SEPTIN9: variants seen among roughly 807,000 people sequenced by gnomAD.
The protein encoded by SEPTIN9 is septin 9.
In SEPTIN9, 13 loss-of-function variants were observed where a neutral mutation model predicts 56.6. The ratio of observed to expected loss-of-function variants is 0.23; its 90% CI spans 0.15 to 0.37. SEPTIN9 has a LOEUF of 0.37. Among genes scored for constraint, SEPTIN9 ranks in the 10% least tolerant of loss-of-function variants. The probability of loss-of-function intolerance (pLI) is 1.00; values close to 1 mark genes in which losing one functional copy is unlikely to be tolerated. For synonymous variants in SEPTIN9, 332 were observed against 334.1 expected (o/e 0.99, Z 0.07); for missense variants, 650 against 823.1 (o/e 0.79, Z 2.57).
chr17:77,411,059 T>A (rs1156240071), intron 3 of SEPTIN9, among the ~76,000 whole-genome samples: 1 of 148,362 alleles, frequency 6.7e-6, no homozygotes, highest in East Asian at 2.0e-4. Context: ...CAGTCCAGCC[T>A]GGGCAACAGA....
At position 77,391,501 on chromosome 17, in the gene SEPTIN9, T is replaced by C. The variant is rs552956170; in HGVS notation, c.77-10558T>C. On this transcript the variant is annotated intron_variant, in intron 2 of 11. Transcript: ENST00000427177. ...CTGTCTTTTATAAAGATGCTCACCA[T>C]TGGATTTAGGGCCCACTAAATTCAG... 1.6e-4 allele frequency among the ~76,000 whole-genome samples: 24 copies of C among 152,328 alleles called. No individual in the cohort carries two copies. The South Asian group carries it at 4.6e-3, about 29-fold the overall frequency.
intron 2 of SEPTIN9, among the ~76,000 whole-genome samples, chr17:77,388,784 G>A (rs2035427630): frequency 6.8e-6 from 1 of 147,684 alleles, no homozygotes; most frequent in Admixed American, 6.7e-5. Flanking sequence ...GCTCCACCTG[G>A]GCCAAGTGGC....
chr17:77,473,118 C>T (rs957581644), intron 3 of SEPTIN9, among the ~76,000 whole-genome samples: 2 of 152,254 alleles, frequency 1.3e-5, no homozygotes, highest in African/African-American at 4.8e-5. Context: ...ACTCCGCAAA[C>T]AGCAACTTGT....
chr17:77,469,552 G>T (rs1372036933), intron 3 of SEPTIN9: 1 of 152,166 alleles, frequency 6.6e-6, no homozygotes, highest in African/African-American at 2.4e-5. Context: ...CTGCTTCCTG[G>T]TGTCTCTACC....
intron 3 of SEPTIN9, among the ~76,000 whole-genome samples, chr17:77,481,339 C>T (rs772748115): frequency 2.6e-5 from 4 of 152,214 alleles, no homozygotes; most frequent in Admixed American, 6.5e-5. Context: ...AGCCCGTGGG[C>T]GCTGGCCAGG....
chr17:77,386,018 A>G (rs1166962505), intron 2 of SEPTIN9, among the ~76,000 whole-genome samples: 1 of 152,080 alleles, frequency 6.6e-6, no homozygotes, highest in Admixed American at 6.6e-5. Flanking sequence ...CCTGTTCCTC[A>G]TCAGGAAACT....
chr17:77,425,918 TGCCGGCCCC>T lies in SEPTIN9; in HGVS notation c.721+23218_721+23226del, dbSNP rs1239903980. ...CTGATCTGTAGAGGAGAGGCTGCTG[TGCCGGCCCC>T]GCAGGGCCCTGTGCAGAGGGGAGTG... On this transcript the variant is annotated intron_variant, in intron 3 of 11. Coordinates refer to ENST00000427177, the MANE Select transcript of SEPTIN9 (RefSeq NM_001113491.2). The surrounding 1 kb of genome is among the most constrained non-coding windows in gnomAD (Gnocchi z 4.2). Among the ~76,000 whole-genome samples, 1 of 152,208 alleles carries T rather than the reference TGCCGGCCCC, an allele frequency of 6.6e-6. No homozygotes were observed. Among genetic ancestry groups the T allele is most frequent in the Non-Finnish European group, 1.5e-5 (1 of 68,036 alleles).
Position 77,500,009 on chromosome 17 carries a change from A to G in SEPTIN9, c.*1351A>G, listed in dbSNP as rs2040437073. 1 of 236,326 alleles carries G rather than the reference A, an allele frequency of 4.2e-6. No individual in the cohort carries two copies. The highest frequency in any genetic ancestry group is 1.7e-4 in the South Asian group (1 of 5,826). The allele number at this position is 236,326 out of a possible 1,614,324, so 14.6% of individuals were successfully genotyped here. ...TGGGGGCTGTCTTTGCAGGGCACAG[A>G]TGACCAAAGTCCCTTCCTGCTTCCT... On this transcript the variant is annotated 3_prime_UTR_variant, in exon 12 of 12. Coordinates refer to ENST00000427177, the MANE Select transcript of SEPTIN9 (RefSeq NM_001113491.2).
chr17:77,344,969 C>CAA (rs35165946), intron 2 of SEPTIN9, among the ~76,000 whole-genome samples: 36 of 67,950 alleles, frequency 5.3e-4, no homozygotes, highest in African/African-American at 1.0e-3. Context: ...AAGACTGCCT[C>CAA]AAAAAAAAAA....
rs568088196 is a variant in SEPTIN9 at position 77,367,791 on chromosome 17, G to A, written c.77-34268G>A. Among the ~76,000 whole-genome samples the A allele has an allele frequency of 1.1e-3, 174 of 152,186 alleles. No homozygotes were observed. The highest frequency in any genetic ancestry group is 0.01 in the Middle Eastern group (3 of 294). On this transcript the variant is annotated intron_variant, in intron 2 of 11. Coordinates refer to ENST00000427177, the MANE Select transcript of SEPTIN9 (RefSeq NM_001113491.2). The surrounding 1 kb of genome is among the most constrained non-coding windows in gnomAD (Gnocchi z 4.5). ...AGATCACGCCACTACACTACAGCCC[G>A]GGCGACAGAGTGAGACTGTCTAAAA...
At chr17:77,366,875 G>A (rs548037874) in intron 2 of SEPTIN9, among the ~76,000 whole-genome samples, 1 of 152,354 alleles carries the variant, frequency 6.6e-6, no homozygotes, top group East Asian at 1.9e-4. Flanking sequence ...AAGGCCAGGA[G>A]CCTCCTTGGG....
At chr17:77,497,564 A>G in intron 11 of SEPTIN9, 198 bp downstream of exon 11, 1 of 632,896 alleles carries the variant, frequency 1.6e-6, no homozygotes, top group Non-Finnish European at 2.8e-6. Context: ...GCAGGCAGTG[A>G]AGATCCTTTT....
chr17:77,399,341 A>G (rs554860052), intron 2 of SEPTIN9, among the ~76,000 whole-genome samples: 2 of 152,198 alleles, frequency 1.3e-5, no homozygotes, highest in East Asian at 1.9e-4. Flanking sequence ...TCTCCTGTCT[A>G]GTTTCTGTTC....
chr17:77,314,123 C>T (rs927530826), intron 2 of SEPTIN9, among the ~76,000 whole-genome samples: 2 of 151,804 alleles, frequency 1.3e-5, no homozygotes, highest in African/African-American at 4.8e-5. Flanking sequence ...GAGTTGTGAT[C>T]ACGTCACTGT....
chr17:77,430,518 G>A (rs2037087223), intron 3 of SEPTIN9, among the ~76,000 whole-genome samples: 1 of 152,154 alleles, frequency 6.6e-6, no homozygotes, highest in East Asian at 1.9e-4. Context: ...CATAGCAAGG[G>A]CCCGCAGAGC....
At position 77,421,873 on chromosome 17, in the gene SEPTIN9, C is replaced by T. The variant is rs1371344324; in HGVS notation, c.721+19170C>T. On this transcript the variant is annotated intron_variant, in intron 3 of 11. Transcript: ENST00000427177. This position sits in a 1 kb window ranked among gnomAD's most constrained non-coding sequence, Gnocchi z 4.6. ...TGGAGTGTAGGGATTTTTTTTGAGA[C>T]GGTCTCTCTCTGTCGCCCAGGCTGG... is the stretch of plus-strand genomic sequence containing the variant. Among the ~76,000 whole-genome samples, 4 of 151,316 alleles carry T rather than the reference C, an allele frequency of 2.6e-5. No homozygotes were observed. The highest frequency in any genetic ancestry group is 1.3e-4 in the Admixed American group (2 of 15,190).
Position 77,493,028 on chromosome 17 carries a change from A to G in SEPTIN9, c.1525A>G (p.Asn509Asp). 6.4e-7 allele frequency: 1 copy of G among 1,570,516 alleles called. No homozygotes were observed. Among genetic ancestry groups the G allele is most frequent in the Non-Finnish European group, 8.6e-7 (1 of 1,158,180 alleles). ...VVGSDHEYQV[N>D]GKRILGRKTK... ...GGGCAGTGACCACGAGTACCAGGTC[A>G]ACGGCAAGAGGATCCTTGGGAGGAA... is the stretch of plus-strand genomic sequence containing the variant. The change falls in exon 10 of 12, where the codon AAC (asparagine) becomes GAC (aspartate). Residue 509 changes from asparagine to aspartate, a missense_variant. Coordinates refer to ENST00000427177, the MANE Select transcript of SEPTIN9 (RefSeq NM_001113491.2).
At chr17:77,484,748 GTT>G (rs2039634985) in intron 4 of SEPTIN9, among the ~76,000 whole-genome samples, 4 of 48,516 alleles carry the variant, frequency 8.2e-5, no homozygotes, top group African/African-American at 6.4e-4. Flanking sequence ...GGTGGTGGTG[GTT>G]GTGATGGTGG....
intron 2 of SEPTIN9, among the ~76,000 whole-genome samples, chr17:77,378,622 C>T (rs757999695): frequency 6.6e-6 from 1 of 152,150 alleles, no homozygotes; most frequent in Non-Finnish European, 1.5e-5. Context: ...TGAATGAGGC[C>T]GGACAGCATG....
Sources: allele counts gnomAD v4.1 joint callset (sites outside exome capture counted in the v4.1 genomes callset), GRCh38; gene constraint gnomAD v4.1.1; non-coding constraint Gnocchi (gnomAD v3.1); transcripts MANE v1.5; gene names NCBI Gene and HGNC (gene_info 2026-07-23, HGNC 2026-07-21).